FRMD4B: variants seen among roughly 807,000 people sequenced by gnomAD.
FRMD4B encodes the protein FERM domain containing 4B.
In FRMD4B, 74 loss-of-function variants were observed where a neutral mutation model predicts 141.5. That is an observed-to-expected ratio of 0.52 (90% CI 0.43 to 0.63). The LOEUF (loss-of-function observed/expected upper bound fraction) is 0.63. FRMD4B is among the 30% of genes least tolerant of loss of function. FRMD4B has a pLI of 0.00. For missense variants in FRMD4B, 1,366 were observed against 1,253.4 expected, an observed-to-expected ratio of 1.09 and a Z score of -1.36; for synonymous variants, 506 against 467.9, an observed-to-expected ratio of 1.08 and a Z score of -1.05.
rs189801814 is a variant in FRMD4B, at chr3:69,199,547, T to C, written c.877-773A>G. Reference sequence around the variant, plus strand: ...CCCATGCAGGGGTGATTCTCTGAGATACCACTTTCCTACCTATGAAGAGTT... The same window carrying C: ...CCCATGCAGGGGTGATTCTCTGAGACACCACTTTCCTACCTATGAAGAGTT... On this transcript the variant is annotated intron_variant, in intron 11 of 22. Coordinates refer to ENST00000398540, the MANE Select transcript of FRMD4B (RefSeq NM_015123.3). 2.6e-4 allele frequency among the ~76,000 whole-genome samples: 39 copies of C among 152,344 alleles called. No individual in the cohort carries two copies. In the East Asian group the frequency reaches 6.7e-3, roughly 26 times the overall value.
intron 11 of FRMD4B, among the ~76,000 whole-genome samples, chr3:69,205,197 TGG>T (rs2093013131): frequency 6.6e-6 from 1 of 151,552 alleles, no homozygotes. Flanking sequence ...GATAGGGTCT[TGG>T]TCTGTCACCT....
chr3:69,264,276 A>G (rs147409215), intron 5 of FRMD4B, among the ~76,000 whole-genome samples: 1 of 152,228 alleles, frequency 6.6e-6, no homozygotes, highest in East Asian at 1.9e-4. Context: ...TAGTAGGTAT[A>G]ATTCTTAAGG....
intron 3 of FRMD4B, among the ~76,000 whole-genome samples, chr3:69,304,496 A>AC (rs1335720822): frequency 7.6e-4 from 116 of 151,880 alleles, no homozygotes; most frequent in African/African-American, 2.6e-3. Context: ...AAAAAAAAAA[A>AC]AAAAAAAAAC....
chr3:69,423,894 G>A (rs543558514), intron 2 of FRMD4B, among the ~76,000 whole-genome samples: 113 of 152,184 alleles, frequency 7.4e-4, no homozygotes, highest in African/African-American at 2.2e-3. Flanking sequence ...AATTTCCCAG[G>A]CTCCAGAACT....
intron 2 of FRMD4B, among the ~76,000 whole-genome samples, chr3:69,400,991 G>A (rs1037726471): frequency 2.0e-5 from 3 of 152,042 alleles, no homozygotes; most frequent in East Asian, 1.9e-4. Flanking sequence ...AATGGTTACC[G>A]GCATTCTTTA....
chr3:69,424,063 A>G (rs1230585818), intron 2 of FRMD4B, among the ~76,000 whole-genome samples: 6 of 152,232 alleles, frequency 3.9e-5, no homozygotes, highest in Non-Finnish European at 1.5e-5. Context: ...GAATTATAGT[A>G]CTTTTGATAT....
chr3:69,276,745 A>T (rs1575683400), intron 5 of FRMD4B, among the ~76,000 whole-genome samples: 1 of 152,150 alleles, frequency 6.6e-6, no homozygotes, highest in Non-Finnish European at 1.5e-5. Flanking sequence ...TGGGCAGATC[A>T]CCTGAGGTCA....
At chr3:69,478,189 T>A (rs1225640661) in intron 1 of FRMD4B, among the ~76,000 whole-genome samples, 3 of 152,214 alleles carry the variant, frequency 2.0e-5, no homozygotes, top group Non-Finnish European at 2.9e-5. Flanking sequence ...AAGGGTTTTT[T>A]GTGTCTCTAT....
At position 69,527,102 on chromosome 3, in the gene FRMD4B, G is replaced by C. The variant is rs1700941118; in HGVS notation, c.-129+15104C>G. Among the ~76,000 whole-genome samples the C allele has an allele frequency of 2.0e-5, 3 of 152,044 alleles. No homozygotes were observed. In the South Asian group the frequency reaches 6.2e-4, roughly 32 times the overall value. ...TTTGTGTCCTCCGTCCTGGGGCATG[G>C]GTCTCTCTCTCTCCCCCATTCAGCT... On this transcript the variant is annotated intron_variant, in intron 1 of 5. Transcript: ENST00000459638.
rs111302391 is a variant in FRMD4B at position 69,219,509 on chromosome 3, A to C, written c.732-1130T>G. Among the ~76,000 whole-genome samples the C allele has an allele frequency of 6.8e-3, 1,031 of 152,312 alleles. 13 individuals are homozygous for C. Among genetic ancestry groups the C allele is most frequent in the African/African-American group, 0.024 (993 of 41,566 alleles). ...ATTCTAACAAAATGAGTCAGACTCC[A>C]CATCCTAGAGCCTTAACTACCAAAT... On this transcript the variant is annotated intron_variant, in intron 9 of 22. Coordinates refer to ENST00000398540, the MANE Select transcript of FRMD4B (RefSeq NM_015123.3).
intron 3 of FRMD4B, among the ~76,000 whole-genome samples, chr3:69,308,992 G>A (rs2068834720): frequency 1.3e-5 from 2 of 152,016 alleles, no homozygotes; most frequent in African/African-American, 2.4e-5. Flanking sequence ...TTATCTGTTT[G>A]TTTACTTGTT....
At chr3:69,224,197 G>A (rs1403416618) in intron 8 of FRMD4B, among the ~76,000 whole-genome samples, 1 of 152,190 alleles carries the variant, frequency 6.6e-6, no homozygotes, top group Non-Finnish European at 1.5e-5. Context: ...TCTAGCTGTA[G>A]TAGAAACCTC....
rs1156687175 is a variant in FRMD4B at position 69,267,591 on chromosome 3, GTGTGTATATATA to G, written c.502-17504_502-17493del. Among the ~76,000 whole-genome samples, 6 of 98,158 alleles carry G rather than the reference GTGTGTATATATA, an allele frequency of 6.1e-5. 1 individual carries two copies. Among genetic ancestry groups the G allele is most frequent in the African/African-American group, 2.2e-4 (5 of 22,754 alleles). The allele number at this position is 98,158 out of a possible 152,430, so 64.4% of individuals were successfully genotyped here. A position where few individuals can be genotyped will look rare whatever the true frequency, so the allele number is the denominator to read the frequency against. ...CATATATATATATGTGTGTGTGTGTGTGTGTATATATATATATATATATATATATATATATAT... is the reference window on the plus strand; with the variant it reads ...CATATATATATATGTGTGTGTGTGTGTATATATATATATATATATATATAT... On this transcript the variant is annotated intron_variant, in intron 5 of 22. Transcript: ENST00000398540.
At chr3:69,501,834 C>A (rs1706502498) in intron 1 of FRMD4B, among the ~76,000 whole-genome samples, 1 of 152,114 alleles carries the variant, frequency 6.6e-6, no homozygotes, top group Admixed American at 6.5e-5. Context: ...TCAGCAAAGT[C>A]TCAGGATACA....
intron 7 of FRMD4B, among the ~76,000 whole-genome samples, chr3:69,241,662 C>T (rs2093384764): frequency 6.6e-6 from 1 of 152,058 alleles, no homozygotes; most frequent in African/African-American, 2.4e-5. Flanking sequence ...CTTGGGAAGC[C>T]GAGGCTGACA....
intron 7 of FRMD4B, among the ~76,000 whole-genome samples, chr3:69,234,405 C>T (rs2093331019): frequency 6.6e-6 from 1 of 152,158 alleles, no homozygotes; most frequent in East Asian, 1.9e-4. Flanking sequence ...TATTAACAAA[C>T]ACCAATTTCC....
At chr3:69,329,960 G>T (rs1405386293) in intron 1 of FRMD4B, among the ~76,000 whole-genome samples, 2 of 152,018 alleles carry the variant, frequency 1.3e-5, no homozygotes, top group Non-Finnish European at 2.9e-5. Flanking sequence ...TATACTTCAA[G>T]AAATCCACAG....
intron 1 of FRMD4B, among the ~76,000 whole-genome samples, chr3:69,459,767 T>C (rs1705681881): frequency 6.6e-6 from 1 of 152,228 alleles, no homozygotes; most frequent in Admixed American, 6.5e-5. Context: ...AGTACATACA[T>C]AACATGTCAA....
chr3:69,493,305 A>G (rs1478430085), intron 1 of FRMD4B, among the ~76,000 whole-genome samples: 1 of 152,216 alleles, frequency 6.6e-6, no homozygotes, highest in Non-Finnish European at 1.5e-5. Context: ...TACAAACTCA[A>G]AATGCTGCTA....
Sources: gnomAD v4.1 joint callset for allele counts (sites outside exome capture counted in the v4.1 genomes callset) on GRCh38, gnomAD v4.1.1 for gene constraint, MANE v1.5 for transcripts, NCBI Gene and HGNC (gene_info 2026-07-23, HGNC 2026-07-21) for gene names.